The following BRCA1 variants were observed in gnomAD, a reference collection of about 807,000 sequenced individuals.
BRCA1 encodes the protein breast cancer type 1 susceptibility protein.
BRCA1 carries 140 observed loss-of-function variants against 173.7 expected under a neutral mutation model. The observed-to-expected ratio is 0.81, with a 90% CI of 0.70 to 0.93. The LOEUF (loss-of-function observed/expected upper bound fraction) is 0.93, where lower values mean the gene tolerates loss of function less well. Among genes scored for constraint, BRCA1 ranks in the 40% least tolerant of loss-of-function variants. The pLI, the probability that BRCA1 is intolerant of heterozygous loss-of-function variation, is 0.00. For missense variants in BRCA1, 1,983 were observed against 2,172.5 expected, an observed-to-expected ratio of 0.91 and a Z score of 1.73; for synonymous variants, 662 against 756.0, an observed-to-expected ratio of 0.88 and a Z score of 2.04.
intron 16 of BRCA1, 93 bp downstream of exon 16, chr17:43,067,515 A>G: frequency 4.8e-6 from 5 of 1,052,144 alleles, no homozygotes; most frequent in Non-Finnish European, 7.3e-6. Flanking sequence ...CGGCCTCCCA[A>G]AGTGCTGCGA....
At chr17:43,069,739 G>A (rs1025608240) in intron 15 of BRCA1, among the ~76,000 whole-genome samples, 1 of 152,084 alleles carries the variant, frequency 6.6e-6, no homozygotes, top group Non-Finnish European at 1.5e-5. Context: ...GATACATCTG[G>A]CCACAGAGAT....
chr17:43,085,936 G>A lies in BRCA1; in HGVS notation c.4186-3361C>T, dbSNP rs3950989. Among the ~76,000 whole-genome samples, 47,931 of 151,862 alleles carry A rather than the reference G, an allele frequency of 0.32. 7,892 individuals are homozygous for A. Among genetic ancestry groups the A allele is most frequent in the South Asian group, 0.49 (2,374 of 4,814 alleles). On this transcript the variant is annotated intron_variant, in intron 11 of 22. Coordinates refer to ENST00000357654, the MANE Select transcript of BRCA1 (RefSeq NM_007294.4). The stretch of plus-strand genomic sequence containing the variant: ...ACTACTACATAATAAGCCTAATCCA[G>A]ATACAAGCTGAAGTCTTAGCACAAA...
In BRCA1 at chr17:43,047,634, G is replaced by A. The variant is rs80358031; in HGVS notation, c.5467+9C>T. On this transcript the variant is annotated intron_variant, in intron 22 of 22. Coordinates refer to ENST00000357654, the MANE Select transcript of BRCA1 (RefSeq NM_007294.4). ...CCCCATATAGCACAGGTACATGCAG[G>A]CACCTTACCATGGAAGCCATTGTCC... The A allele has an allele frequency of 8.7e-6, 14 of 1,614,118 alleles. No individual in the cohort carries two copies. Among genetic ancestry groups the A allele is most frequent in the Admixed American group, 1.7e-5 (1 of 60,016 alleles).
intron 3 of BRCA1, among the ~76,000 whole-genome samples, chr17:43,111,704 C>T (rs2055043737): frequency 6.6e-6 from 1 of 152,032 alleles, no homozygotes; most frequent in Admixed American, 6.6e-5. Flanking sequence ...CGTCTGTAGT[C>T]CCAGCTACTT....
chr17:43,150,106 A>G (rs2056151346), intron 1 of BRCA1, among the ~76,000 whole-genome samples: 1 of 151,722 alleles, frequency 6.6e-6, no homozygotes, highest in African/African-American at 2.4e-5. Flanking sequence ...TTTTTACTTA[A>G]TTTGTATTTA....
chr17:43,051,218 AGGAAG>A, intron 19 of BRCA1, 101 bp from the exon 20 acceptor site: 2 of 1,137,092 alleles, frequency 1.8e-6, no homozygotes, highest in Non-Finnish European at 2.6e-6. Context: ...ACTTTCAAAA[AGGAAG>A]AGCTTTTCTT....
chr17:43,046,090 T>C (rs1033735446), intron 22 of BRCA1, among the ~76,000 whole-genome samples: 13 of 151,912 alleles, frequency 8.6e-5, no homozygotes, highest in African/African-American at 3.1e-4. Flanking sequence ...CCCAGCTAAT[T>C]TTTGTATTTT....
chr17:43,070,202 G>A (rs1017598117), intron 15 of BRCA1, among the ~76,000 whole-genome samples: 5 of 151,988 alleles, frequency 3.3e-5, no homozygotes, highest in African/African-American at 1.2e-4. Context: ...CAAAGTGCTG[G>A]GATTACAGGC....
At chr17:43,047,811 AC>A in intron 21 of BRCA1, 108 bp from the exon 22 acceptor site, 1 of 1,193,870 alleles carries the variant, frequency 8.4e-7, no homozygotes. Context: ...TTGCTCTGTC[AC>A]CCAGGCTGGA....
chr17:43,169,886 C>T, intron 1 of BRCA1: 1 of 407,662 alleles, frequency 2.5e-6, no homozygotes, highest in Admixed American at 2.7e-5. Context: ...TTTTCCCCCC[C>T]TCTACACTGC....
At chr17:43,111,635 C>T (rs1261552819) in intron 3 of BRCA1, among the ~76,000 whole-genome samples, 2 of 151,954 alleles carry the variant, frequency 1.3e-5, no homozygotes, top group African/African-American at 4.8e-5. Context: ...TCCTGGCTAA[C>T]ACGGTGAAAC....
In BRCA1 at chr17:43,093,440, G is replaced by A. The variant is rs2154399882; in HGVS notation, c.2091C>T (p.Phe697=). The change falls in exon 10 of 23, where the codon TTC becomes TTT. Residue 697 remains phenylalanine (F), a synonymous_variant. Coordinates refer to ENST00000357654, the MANE Select transcript of BRCA1 (RefSeq NM_007294.4). ...GTGCATTTGTTAACTTCAGCTCTGG[G>A]AAAGTATCGCTGTCATGTCTTTTAC... The part of the protein sequence containing the change: ...QTSKRHDSDT[F]PELKLTNAPG... The A allele has an allele frequency of 6.2e-7, 1 of 1,614,004 alleles. No individual in the cohort carries two copies. The highest frequency in any genetic ancestry group is 2.2e-5 in the East Asian group (1 of 44,880).
chr17:43,100,675 T>C (rs1299197620), intron 6 of BRCA1, among the ~76,000 whole-genome samples: 8 of 15,548 alleles, frequency 5.1e-4, no homozygotes, highest in African/African-American at 9.2e-4. Context: ...TATATATATA[T>C]ATAATATATA....
chr17:43,083,949 C>A (rs1020060399), intron 11 of BRCA1, among the ~76,000 whole-genome samples: 1 of 152,104 alleles, frequency 6.6e-6, no homozygotes, highest in East Asian at 1.9e-4. Flanking sequence ...CTGCAACCTC[C>A]GCCTACCTGG....
intron 1 of BRCA1, among the ~76,000 whole-genome samples, chr17:43,134,361 G>A (rs2055998243): frequency 6.6e-6 from 1 of 152,154 alleles, no homozygotes; most frequent in South Asian, 2.1e-4. Flanking sequence ...GGCTTGGGAA[G>A]TAAAAGAAGA....
chr17:43,054,164 C>T lies in BRCA1; in HGVS notation c.5277+2888G>A, dbSNP rs538026991. On this transcript the variant is annotated intron_variant, in intron 19 of 22. Transcript: ENST00000357654. ...TTTTAAAGAGGGGAAGAATCTGGTG[C>T]TAATACTGCCTAGCATACAGTGGAG... Among the ~76,000 whole-genome samples the T allele has an allele frequency of 3.9e-5, 6 of 152,246 alleles. No individual in the cohort carries two copies. In the South Asian group the frequency reaches 1.2e-3, roughly 32 times the overall value.
intron 4 of BRCA1, among the ~76,000 whole-genome samples, chr17:43,105,689 AAAGCACAATT>A (rs1369518293): frequency 6.6e-6 from 1 of 152,222 alleles, no homozygotes; most frequent in Non-Finnish European, 1.5e-5. Context: ...AAGTGGAATT[AAAGCACAATT>A]CATTCATTCC....
rs35805899 is a variant in BRCA1 at position 43,050,608 on chromosome 17, CA to C, written c.5332+454del. On this transcript the variant is annotated intron_variant, in intron 20 of 22. Transcript: ENST00000357654. Reference sequence around the variant, plus strand: ...GGCCTGGGCAACAGAGACTCGACCTCAAAAAAAAAGAAAAAAAAAAAGAAAT... The same window carrying C: ...GGCCTGGGCAACAGAGACTCGACCTCAAAAAAAAGAAAAAAAAAAAGAAAT... Among the ~76,000 whole-genome samples, 1,124 of 114,592 alleles carry C rather than the reference CA, an allele frequency of 9.8e-3. 14 individuals are homozygous for C. The highest frequency in any genetic ancestry group is 0.016 in the Non-Finnish European group (841 of 52,890). 75.2% of individuals were successfully genotyped at this position (114,592 alleles called of 152,430 possible). A position where few individuals can be genotyped will look rare whatever the true frequency, so the allele number is the denominator to read the frequency against.
At chr17:43,071,352 T>C in intron 14 of BRCA1, 114 bp from the exon 15 acceptor site, 8 of 1,167,334 alleles carry the variant, frequency 6.9e-6, no homozygotes, top group Non-Finnish European at 8.7e-6. Flanking sequence ...GAAAAATGGG[T>C]ACATGAATAC....
Sources: allele counts gnomAD v4.1 joint callset (sites outside exome capture counted in the v4.1 genomes callset), GRCh38; gene constraint gnomAD v4.1.1; transcripts MANE v1.5; gene names NCBI Gene and HGNC (gene_info 2026-07-23, HGNC 2026-07-21).